The following LAMA2 variants were observed in gnomAD, a reference collection of about 807,000 sequenced individuals.
LAMA2 encodes laminin subunit alpha 2.
LAMA2 carries 269 observed loss-of-function variants against 364.8 expected under a neutral mutation model. The observed-to-expected ratio is 0.74, with a 90% CI of 0.67 to 0.82. The LOEUF (loss-of-function observed/expected upper bound fraction) is 0.82. Among genes scored for constraint, LAMA2 ranks in the 40% least tolerant of loss-of-function variants. The probability of loss-of-function intolerance (pLI) is 0.00; values close to 1 mark genes in which losing one functional copy is unlikely to be tolerated. For synonymous variants in LAMA2, 1,379 were observed against 1,370.6 expected, an observed-to-expected ratio of 1.01 and a Z score of -0.14; for missense variants, 3,807 against 3,873.2, an observed-to-expected ratio of 0.98 and a Z score of 0.45.
chr6:129,446,984 A>G (rs975906535), intron 45 of LAMA2, among the ~76,000 whole-genome samples: 17 of 152,244 alleles, frequency 1.1e-4, no homozygotes, highest in African/African-American at 3.6e-4. Context: ...TTCAGCTAGA[A>G]TATGAAAGCC....
At chr6:129,265,053 A>G (rs1451533317) in intron 15 of LAMA2, among the ~76,000 whole-genome samples, 1 of 152,096 alleles carries the variant, frequency 6.6e-6, no homozygotes, top group Non-Finnish European at 1.5e-5. Context: ...GCTGATAGTA[A>G]TGACCCAGTA....
intron 41 of LAMA2, 121 bp downstream of exon 41, chr6:129,427,975 C>A (rs1283214378): frequency 1.9e-5 from 14 of 724,084 alleles, no homozygotes; most frequent in Non-Finnish European, 3.1e-5. Flanking sequence ...ATTCTATAAT[C>A]TATTTAATGC....
At chr6:129,352,994 CTA>C (rs758103924) in intron 31 of LAMA2, among the ~76,000 whole-genome samples, 168 bp from the exon 32 acceptor site, 23 of 151,988 alleles carry the variant, frequency 1.5e-4, no homozygotes, top group Admixed American at 5.9e-4. Context: ...TTGATTTTTC[CTA>C]TGTCCTGCAA....
chr6:129,462,225 T>C (rs1037913425), intron 49 of LAMA2, among the ~76,000 whole-genome samples: 12 of 151,982 alleles, frequency 7.9e-5, no homozygotes, highest in Admixed American at 5.3e-4. Flanking sequence ...CCACATAGGT[T>C]CATACACACT....
At chr6:129,258,496 A>C (rs917772472) in intron 14 of LAMA2, among the ~76,000 whole-genome samples, 3 of 152,040 alleles carry the variant, frequency 2.0e-5, no homozygotes, top group Non-Finnish European at 4.4e-5. Context: ...TTGTTAGTTT[A>C]CAGGGGTTAG....
At chr6:129,012,669 A>G (rs904578466) in intron 1 of LAMA2, among the ~76,000 whole-genome samples, 2 of 152,204 alleles carry the variant, frequency 1.3e-5, no homozygotes, top group Non-Finnish European at 1.5e-5. Flanking sequence ...TGGTTCTTCA[A>G]GGTGATAGTT....
intron 14 of LAMA2, among the ~76,000 whole-genome samples, chr6:129,259,596 G>A (rs1298430165): frequency 1.3e-5 from 2 of 152,014 alleles, no homozygotes; most frequent in African/African-American, 4.8e-5. Context: ...TATATTTCTT[G>A]TAATGTTTTG....
intron 22 of LAMA2, among the ~76,000 whole-genome samples, chr6:129,303,533 T>C (rs999175319): frequency 6.6e-6 from 1 of 152,214 alleles, no homozygotes; most frequent in Non-Finnish European, 1.5e-5. Context: ...TTGAAAATGA[T>C]GTTGGCTATA....
intron 1 of LAMA2, among the ~76,000 whole-genome samples, chr6:129,029,813 T>C (rs768861138): frequency 1.3e-5 from 2 of 152,054 alleles, no homozygotes; most frequent in Non-Finnish European, 2.9e-5. Flanking sequence ...TTTAGAAATT[T>C]CTAATTTTGA....
intron 2 of LAMA2, 100 bp downstream of exon 2, chr6:129,050,188 G>C: frequency 8.7e-7 from 1 of 1,147,364 alleles, no homozygotes; most frequent in South Asian, 1.3e-5. Flanking sequence ...GTAATACTAA[G>C]AATTCCTAGA....
At chr6:129,391,212 C>T (rs1251503821) in intron 35 of LAMA2, among the ~76,000 whole-genome samples, 1 of 152,024 alleles carries the variant, frequency 6.6e-6, no homozygotes, top group Non-Finnish European at 1.5e-5. Flanking sequence ...GAGTATGCTT[C>T]GACCTACTTC....
chr6:129,392,743 A>T (rs1779388711), intron 36 of LAMA2, among the ~76,000 whole-genome samples: 1 of 152,214 alleles, frequency 6.6e-6, no homozygotes, highest in Non-Finnish European at 1.5e-5. Context: ...TGGTATGTGA[A>T]GTGAATCTTA....
In LAMA2 at chr6:129,250,196, C is replaced by A; in HGVS notation, c.1867C>A (p.Leu623Ile). Residue 623 changes from leucine (L) to isoleucine (I), a missense_variant, in exon 13 of 65, where the codon CTT (leucine) becomes ATT (isoleucine). By Grantham distance (5) the Leu-to-Ile change is conservative. Coordinates refer to ENST00000421865, the MANE Select transcript of LAMA2 (RefSeq NM_000426.4). Reference sequence around the variant, plus strand: ...AGAAGATACAGAACGTGTTCTCCAGCTTATGATTATCTTAGAGGTAGAGTA... The same window carrying A: ...AGAAGATACAGAACGTGTTCTCCAGATTATGATTATCTTAGAGGTAGAGTA... Reference protein sequence around the residue: ...EEEDTERVLQLMIILEGNDLS... With the variant: ...EEEDTERVLQIMIILEGNDLS... 6.3e-7 allele frequency: 1 copy of A among 1,585,162 alleles called. No homozygotes were observed. Among genetic ancestry groups the A allele is most frequent in the Non-Finnish European group, 8.7e-7 (1 of 1,154,620 alleles).
At chr6:129,025,401 T>G (rs1174973788) in intron 1 of LAMA2, among the ~76,000 whole-genome samples, 1 of 152,182 alleles carries the variant, frequency 6.6e-6, no homozygotes, top group African/African-American at 2.4e-5. Context: ...GCTCAAATCA[T>G]GAATTCTGTT....
intron 51 of LAMA2, among the ~76,000 whole-genome samples, chr6:129,468,497 TATAAAA>T (rs1195829599): frequency 1.3e-5 from 2 of 151,874 alleles, no homozygotes; most frequent in Non-Finnish European, 2.9e-5. Context: ...AATTTTTCCT[TATAAAA>T]AGAAAAGCAT....
intron 2 of LAMA2, 23 bp downstream of exon 2, chr6:129,050,111 G>T (rs1459316021): frequency 1.2e-6 from 2 of 1,613,064 alleles, no homozygotes; most frequent in African/African-American, 2.7e-5. Flanking sequence ...GTGTGTAGGT[G>T]TGTGGCGCTG....
intron 1 of LAMA2, among the ~76,000 whole-genome samples, chr6:128,910,948 C>G (rs1239159325): frequency 5.9e-5 from 9 of 151,354 alleles, no homozygotes; most frequent in Non-Finnish European, 1.2e-4. Context: ...TTAGGCTGCT[C>G]GGGGGTCAGG....
chr6:129,337,155 A>G (rs187620814), intron 29 of LAMA2, among the ~76,000 whole-genome samples: 3 of 152,314 alleles, frequency 2.0e-5, no homozygotes, highest in African/African-American at 4.8e-5. Context: ...TTTAGGGGAA[A>G]GAACAGAGGA....
At chr6:129,104,297 T>G (rs1775698278) in intron 4 of LAMA2, among the ~76,000 whole-genome samples, 1 of 152,210 alleles carries the variant, frequency 6.6e-6, no homozygotes, top group Non-Finnish European at 1.5e-5. Flanking sequence ...TGAACCACCA[T>G]GCCTGGCCCA....
Sources: gnomAD v4.1 joint callset for allele counts (sites outside exome capture counted in the v4.1 genomes callset) on GRCh38, gnomAD v4.1.1 for gene constraint, MANE v1.5 for transcripts, NCBI Gene and HGNC (gene_info 2026-07-23, HGNC 2026-07-21) for gene names.